TREH: variants seen among roughly 807,000 people sequenced by gnomAD.
The protein encoded by TREH is alpha,alpha-trehalose glucohydrolase.
TREH carries 69 observed loss-of-function variants against 80.5 expected under a neutral mutation model. That is an observed-to-expected ratio of 0.86 (90% CI 0.71 to 1.05). The LOEUF (loss-of-function observed/expected upper bound fraction) is 1.05. TREH is among the 50% of genes least tolerant of loss of function. The pLI, the probability that TREH is intolerant of heterozygous loss-of-function variation, is 0.00. For synonymous variants in TREH, 309 were observed against 293.5 expected, an observed-to-expected ratio of 1.05 and a Z score of -0.54; for missense variants, 716 against 718.8, an observed-to-expected ratio of 1.00 and a Z score of 0.04.
chr11:118,675,655 C>T (rs1949471173), intron 1 of TREH, among the ~76,000 whole-genome samples: 1 of 152,106 alleles, frequency 6.6e-6, no homozygotes, highest in Non-Finnish European at 1.5e-5. Context: ...GACGTTTCCC[C>T]TCCTGGCTCA....
chr11:118,659,499 T>C lies in TREH; in HGVS notation c.1321-18A>G. The C allele has an allele frequency of 6.5e-7, 1 of 1,545,222 alleles. No homozygotes were observed. The highest frequency in any genetic ancestry group is 8.7e-7 in the Non-Finnish European group (1 of 1,143,228). ...CGGTTGTCCTAGAAGGTCCCAGACA[T>C]TCCCATGACTGTGGGTGGGGCTGGA... On this transcript the variant is annotated intron_variant, in intron 11 of 14. Transcript: ENST00000264029.
In TREH at chr11:118,662,727, T is replaced by C. The variant is rs2137266420; in HGVS notation, c.423+154A>G. ...CTGCCCTTCTGACCTCAGAAGTTCT[T>C]TCTAGAGGGCCTCTATTTGGGGACC... On this transcript the variant is annotated intron_variant, in intron 4 of 14. Transcript: ENST00000264029. 4 of 780,386 alleles carry C rather than the reference T, an allele frequency of 5.1e-6. No individual in the cohort carries two copies. The South Asian group carries it at 7.2e-5, about 14-fold the overall frequency. The allele number at this position is 780,386 out of a possible 1,614,324, so 48.3% of individuals were successfully genotyped here. A position where few individuals can be genotyped will look rare whatever the true frequency, so the allele number is the denominator to read the frequency against.
intron 1 of TREH, among the ~76,000 whole-genome samples, chr11:118,664,825 C>T (rs1190843260): frequency 6.6e-6 from 1 of 152,114 alleles, no homozygotes; most frequent in Non-Finnish European, 1.5e-5. Flanking sequence ...AATGTGTGCT[C>T]TGGCCGGGCA....
chr11:118,659,232 T>C (rs1949274201), intron 12 of TREH, 138 bp downstream of exon 12: 1 of 856,522 alleles, frequency 1.2e-6, no homozygotes, highest in East Asian at 2.7e-5. Flanking sequence ...AAGTGTCAAG[T>C]GGAGGCCAGG....
chr11:118,676,465 C>A (rs778665390), intron 1 of TREH, among the ~76,000 whole-genome samples: 1 of 149,292 alleles, frequency 6.7e-6, no homozygotes, highest in Non-Finnish European at 1.5e-5. Context: ...CAGAGTGAGA[C>A]CCTGTCTCAA....
intron 1 of TREH, among the ~76,000 whole-genome samples, chr11:118,672,948 T>A (rs1314754439): frequency 6.6e-6 from 1 of 152,094 alleles, no homozygotes; most frequent in Non-Finnish European, 1.5e-5. Context: ...CATACCACAT[T>A]GGAAGAATTG....
In TREH at chr11:118,674,744, G is replaced by C. The variant is rs1949461085; in HGVS notation, c.89+4795C>G. 6.6e-6 allele frequency among the ~76,000 whole-genome samples: 1 copy of C among 152,182 alleles called. No homozygotes were observed. The highest frequency in any genetic ancestry group is 2.4e-5 in the African/African-American group (1 of 41,434). On this transcript the variant is annotated intron_variant, in intron 1 of 14. Transcript: ENST00000264029. The surrounding 1 kb of genome is among the most constrained non-coding windows in gnomAD (Gnocchi z 4.4). ...TTTAGTAGAGACAGGGTTTCTCCAT[G>C]TTGGTCAGGCTGGTCTTGAACTCCT...
chr11:118,661,856 C>CA lies in TREH; in HGVS notation c.524+33dup. The CA allele has an allele frequency of 6.4e-7, 1 of 1,570,766 alleles. No homozygotes were observed. Among genetic ancestry groups the CA allele is most frequent in the South Asian group, 1.2e-5 (1 of 86,672 alleles). Reference sequence around the variant, plus strand: ...GGTTTCTCCACCACTGCCAGTCCTGCAGGCCCCTTGGTCTCTTGGGCCTGG... The same window carrying CA: ...GGTTTCTCCACCACTGCCAGTCCTGCAAGGCCCCTTGGTCTCTTGGGCCTGG... On this transcript the variant is annotated intron_variant, in intron 5 of 14. Coordinates refer to ENST00000264029, the MANE Select transcript of TREH (RefSeq NM_007180.3). This position sits in a 1 kb window ranked among gnomAD's most constrained non-coding sequence, Gnocchi z 4.2.
chr11:118,679,550 T>C lies in TREH; in HGVS notation c.78A>G (p.Pro26=). ...LGLGSQEALP[P]PCESEIYCHG... ...CCCCACACCCCTACCTCTCACAGGG[T>C]GGGGGTAGGGCCTCCTGGGACCCCA... The change falls in exon 1 of 15, where the codon CCA becomes CCG. Residue 26 remains proline (P), a synonymous_variant. Coordinates refer to ENST00000264029, the MANE Select transcript of TREH (RefSeq NM_007180.3). 6.5e-7 allele frequency: 1 copy of C among 1,530,746 alleles called. No individual in the cohort carries two copies. The highest frequency in any genetic ancestry group is 8.8e-7 in the Non-Finnish European group (1 of 1,135,098). 94.8% of individuals were successfully genotyped at this position (1,530,746 alleles called of 1,614,324 possible). A position where few individuals can be genotyped will look rare whatever the true frequency, so the allele number is the denominator to read the frequency against.
In TREH at chr11:118,679,596, A is replaced by T; in HGVS notation, c.32T>A (p.Leu11Gln). 1 of 1,551,764 alleles carries T rather than the reference A, an allele frequency of 6.4e-7. No homozygotes were observed. Among genetic ancestry groups the T allele is most frequent in the Non-Finnish European group, 8.7e-7 (1 of 1,145,490 alleles). The change falls in exon 1 of 15, where the codon CTA becomes CAA. Residue 11 changes from leucine to glutamine, a missense_variant. Coordinates refer to ENST00000264029, the MANE Select transcript of TREH (RefSeq NM_007180.3). MPGRTWELCL[L>Q]LLLGLGLGSQ... is the part of the protein sequence containing the mutation. ...CCCCAGTCCCAGCCCCAGCAGCAGT[A>T]GCAGGCACAGCTCCCAGGTCCTCCC... is the stretch of plus-strand genomic sequence containing the variant.
rs938784384 is a variant in TREH, at chr11:118,661,919, A to G, written c.495T>C (p.Pro165=). The part of the protein sequence containing the change: ...LIYSEHPFIV[P]GGRFVEFYYW... ...AGTAGAACTCAACAAAGCGACCGCC[A>G]GGCACAATGAAGGGATGTTCTGAGT... The change falls in exon 5 of 15, where the codon CCT becomes CCC. Residue 165 remains proline, a synonymous_variant. Coordinates refer to ENST00000264029, the MANE Select transcript of TREH (RefSeq NM_007180.3). This position sits in a 1 kb window ranked among gnomAD's most constrained non-coding sequence, Gnocchi z 4.2. 6.4e-7 allele frequency: 1 copy of G among 1,555,864 alleles called. No homozygotes were observed. The highest frequency in any genetic ancestry group is 8.7e-7 in the Non-Finnish European group (1 of 1,149,444).
At position 118,661,525 on chromosome 11, in the gene TREH, C is replaced by T. The variant is rs782725350; in HGVS notation, c.618-16G>A. On this transcript the variant is annotated splice_polypyrimidine_tract_variant and intron_variant, in intron 6 of 14. Transcript: ENST00000264029. This position sits in a 1 kb window ranked among gnomAD's most constrained non-coding sequence, Gnocchi z 4.2. Reference sequence around the variant, plus strand: ...ATGCCCATAGCTGCCAAGGGGAAGGCCTGCTGAGATGCCCTCTCCCCAGCA... The same window carrying T: ...ATGCCCATAGCTGCCAAGGGGAAGGTCTGCTGAGATGCCCTCTCCCCAGCA... 8.1e-6 allele frequency: 13 copies of T among 1,612,770 alleles called. No homozygotes were observed. Among genetic ancestry groups the T allele is most frequent in the Admixed American group, 5.0e-5 (3 of 59,826 alleles).
chr11:118,660,133 T>C (rs1460203541), intron 10 of TREH, among the ~76,000 whole-genome samples, 169 bp from the exon 11 acceptor site: 1 of 152,210 alleles, frequency 6.6e-6, no homozygotes, highest in Non-Finnish European at 1.5e-5. Context: ...TTCTGGCCTA[T>C]GGCCCCGCAC....
At position 118,662,954 on chromosome 11, in the gene TREH, T is replaced by C. The variant is rs781957233; in HGVS notation, c.350A>G (p.Gln117Arg). 6 of 1,612,468 alleles carry C rather than the reference T, an allele frequency of 3.7e-6. No individual in the cohort carries two copies. In the Admixed American group the frequency reaches 1.0e-4, roughly 27 times the overall value. The change falls in exon 4 of 15, where the codon CAG (glutamine) becomes CGG (arginine). Residue 117 changes from glutamine (Q) to arginine (R), a missense_variant. Transcript: ENST00000264029. ...ACGCAGTTTGGCATCTGAAATCTTC[T>C]GCAGGAACTGGGGGCTGAAAGAACA... ...ADWKDSPQFL[Q>R]KISDAKLRAW... is the part of the protein sequence containing the mutation.
intron 1 of TREH, among the ~76,000 whole-genome samples, chr11:118,667,368 G>C (rs1238212323): frequency 1.3e-5 from 2 of 151,454 alleles, no homozygotes; most frequent in Non-Finnish European, 2.9e-5. Context: ...TTTTTGTAGA[G>C]ACAGGGTCTC....
chr11:118,673,017 T>C (rs1211055594), intron 1 of TREH, among the ~76,000 whole-genome samples: 1 of 152,132 alleles, frequency 6.6e-6, no homozygotes, highest in African/African-American at 2.4e-5. Context: ...GAAGAATCTA[T>C]CTAATAGGGA....
Position 118,661,791 on chromosome 11 carries a change from T to C in TREH, c.525-62A>G. ...TCCCTCTGCCCTGCACACCAGCCAG[T>C]GGGGCACTCTGCCCTGCTGAAGACA... On this transcript the variant is annotated intron_variant, in intron 5 of 14. Transcript: ENST00000264029. This position sits in a 1 kb window ranked among gnomAD's most constrained non-coding sequence, Gnocchi z 4.2. 6.2e-7 allele frequency: 1 copy of C among 1,602,922 alleles called. No individual in the cohort carries two copies. Among genetic ancestry groups the C allele is most frequent in the Non-Finnish European group, 8.5e-7 (1 of 1,170,786 alleles).
In TREH at chr11:118,658,693, TCTC is replaced by T. The variant is rs1949258104; in HGVS notation, c.1583_1585del (p.Gly528del). On this transcript the variant is annotated inframe_deletion, in exon 14 of 15. Coordinates refer to ENST00000264029, the MANE Select transcript of TREH (RefSeq NM_007180.3). The stretch of plus-strand genomic sequence containing the variant: ...TGGCCTGCTCACCTGAACTTCATAT[TCTC>T]CTCCCCCACCGGGCTGTCCACCGTT... 3.8e-6 allele frequency: 6 copies of T among 1,596,970 alleles called. No homozygotes were observed. Among genetic ancestry groups the T allele is most frequent in the Admixed American group, 1.7e-5 (1 of 57,314 alleles).
Position 118,659,885 on chromosome 11 carries a change from C to T in TREH, c.1182G>A (p.Glu394=), listed in dbSNP as rs1555144501. Residue 394 remains glutamate, a synonymous_variant, in exon 11 of 15, where the codon GAG becomes GAA. Coordinates refer to ENST00000264029, the MANE Select transcript of TREH (RefSeq NM_007180.3). Reference sequence around the variant, plus strand: ...CGTAATCGAACCAGGCTCCGGTCTGCTCATCCCACAGGACTGTGTTCAGGG... The same window carrying T: ...CGTAATCGAACCAGGCTCCGGTCTGTTCATCCCACAGGACTGTGTTCAGGG... ...LAALNTVLWD[E]QTGAWFDYDL... is the part of the protein sequence containing the mutation. 3 of 1,551,890 alleles carry T rather than the reference C, an allele frequency of 1.9e-6. No individual in the cohort carries two copies. The highest frequency in any genetic ancestry group is 1.4e-5 in the African/African-American group (1 of 73,078).
Sources: allele counts gnomAD v4.1 joint callset (sites outside exome capture counted in the v4.1 genomes callset), GRCh38; gene constraint gnomAD v4.1.1; non-coding constraint Gnocchi (gnomAD v3.1); transcripts MANE v1.5; gene names NCBI Gene and HGNC (gene_info 2026-07-23, HGNC 2026-07-21).